The following DLGAP2 variants were observed in gnomAD, a reference collection of about 807,000 sequenced individuals.
The protein encoded by DLGAP2 is disks large-associated protein 2.
A neutral mutation model predicts 100.3 loss-of-function variants in DLGAP2; 26 were observed. That is an observed-to-expected ratio of 0.26 (90% CI 0.19 to 0.36). The LOEUF (loss-of-function observed/expected upper bound fraction) is 0.36. Among genes scored for constraint, DLGAP2 ranks in the 10% least tolerant of loss-of-function variants. The pLI, the probability that DLGAP2 is intolerant of heterozygous loss-of-function variation, is 1.00. For missense variants in DLGAP2, 1,858 were observed against 1,453.2 expected (o/e 1.28, Z -4.53); for synonymous variants, 886 against 630.1 (o/e 1.41, Z -6.08).
chr8:1,473,608 C>T (rs2108123), intron 3 of DLGAP2, among the ~76,000 whole-genome samples: 50,138 of 151,960 alleles, frequency 0.33, 9,178 homozygotes, highest in Non-Finnish European at 0.42. Context: ...TGATGGGATG[C>T]GCTGTCTTGA....
chr8:1,517,725 GT>G (rs1800442523), intron 4 of DLGAP2, among the ~76,000 whole-genome samples: 2 of 152,242 alleles, frequency 1.3e-5, no homozygotes, highest in Admixed American at 1.3e-4. Context: ...CCTCTCTGCA[GT>G]TACGCTTGGA....
intron 3 of DLGAP2, among the ~76,000 whole-genome samples, chr8:1,499,171 G>C (rs564333078): frequency 1.3e-5 from 2 of 152,212 alleles, no homozygotes; most frequent in Non-Finnish European, 2.9e-5. Flanking sequence ...CAAATCGCAG[G>C]CTTCCGATAC....
At chr8:894,764 C>G in intron 1 of DLGAP2, among the ~76,000 whole-genome samples, 1 of 67,384 alleles carries the variant, frequency 1.5e-5, no homozygotes, top group Non-Finnish European at 2.6e-5. Context: ...TGGTGACTGG[C>G]AGGGGTAGTG....
At chr8:1,237,069 T>G (rs1193011998) in intron 2 of DLGAP2, among the ~76,000 whole-genome samples, 1 of 142,824 alleles carries the variant, frequency 7.0e-6, no homozygotes, top group African/African-American at 2.7e-5. Context: ...TGTCTAGTTC[T>G]GTCACATGGC....
At chr8:1,290,341 AT>A (rs1418294550) in intron 3 of DLGAP2, among the ~76,000 whole-genome samples, 21 of 152,206 alleles carry the variant, frequency 1.4e-4, no homozygotes, top group Non-Finnish European at 2.9e-5. Flanking sequence ...TTTGCATATG[AT>A]GGTCCCGCTT....
intron 2 of DLGAP2, among the ~76,000 whole-genome samples, chr8:1,037,679 G>T (rs1234079392): frequency 6.6e-6 from 1 of 152,204 alleles, no homozygotes; most frequent in African/African-American, 2.4e-5. Flanking sequence ...CTGGGTTCTT[G>T]TCCTTATCGG....
chr8:1,346,724 C>G (rs188547871), intron 3 of DLGAP2, among the ~76,000 whole-genome samples: 1 of 129,020 alleles, frequency 7.8e-6, no homozygotes, highest in Non-Finnish European at 1.7e-5. Flanking sequence ...GTTGAGTTCT[C>G]ATACAGAGCT....
chr8:985,793 G>A (rs1157254047), intron 2 of DLGAP2, among the ~76,000 whole-genome samples: 2 of 152,206 alleles, frequency 1.3e-5, no homozygotes, highest in East Asian at 1.9e-4. Flanking sequence ...TTCCCCAGAT[G>A]TGAGAGTGAG....
At chr8:1,580,789 C>T (rs1210962842) in intron 6 of DLGAP2, among the ~76,000 whole-genome samples, 3 of 149,396 alleles carry the variant, frequency 2.0e-5, no homozygotes, top group East Asian at 2.0e-4. Context: ...AAACCCCACA[C>T]ATCTACACAC....
At chr8:1,496,951 G>C (rs1041841083) in intron 3 of DLGAP2, among the ~76,000 whole-genome samples, 8 of 152,062 alleles carry the variant, frequency 5.3e-5, no homozygotes, top group African/African-American at 1.9e-4. Flanking sequence ...ACACGTTGTG[G>C]AGTATGGTTT....
chr8:1,474,766 C>T (rs1798887162), intron 3 of DLGAP2, among the ~76,000 whole-genome samples: 2 of 152,318 alleles, frequency 1.3e-5, no homozygotes, highest in South Asian at 4.1e-4. Flanking sequence ...AAAGGGAATG[C>T]TTATACACTG....
chr8:1,101,415 C>T (rs944444523), intron 2 of DLGAP2, among the ~76,000 whole-genome samples: 7 of 152,146 alleles, frequency 4.6e-5, no homozygotes, highest in Non-Finnish European at 8.8e-5. Flanking sequence ...GGACATTAAG[C>T]ACAGTGAACA....
At chr8:1,199,169 G>C (rs73184599) in intron 2 of DLGAP2, among the ~76,000 whole-genome samples, 2 of 152,112 alleles carry the variant, frequency 1.3e-5, no homozygotes, top group African/African-American at 4.8e-5. Flanking sequence ...TTACTGAAGA[G>C]AATTCTGGGG....
chr8:1,006,474 A>G (rs1306719193), intron 2 of DLGAP2, among the ~76,000 whole-genome samples: 2 of 127,064 alleles, frequency 1.6e-5, no homozygotes, highest in African/African-American at 3.0e-5. Context: ...GTGGTCCTTT[A>G]TCACATCGGG....
chr8:852,506 C>G (rs1797200558), intron 1 of DLGAP2, among the ~76,000 whole-genome samples: 1 of 152,220 alleles, frequency 6.6e-6, no homozygotes, highest in South Asian at 2.1e-4. Flanking sequence ...TGATTTTACT[C>G]AAGATTCTGT....
rs972651044 is a variant in DLGAP2, at chr8:1,528,734, C to T, written c.173-19892C>T. On this transcript the variant is annotated intron_variant, in intron 4 of 14. Transcript: ENST00000637795. ...TGAAACAGGCCCTGGCAGTAAGGAGCCTGGCCTTCCTGTTTGGAAACAGGA... is the reference window on the plus strand; with the variant it reads ...TGAAACAGGCCCTGGCAGTAAGGAGTCTGGCCTTCCTGTTTGGAAACAGGA... 7.2e-5 allele frequency among the ~76,000 whole-genome samples: 11 copies of T among 152,090 alleles called. No individual in the cohort carries two copies. The South Asian group carries it at 8.3e-4, about 11-fold the overall frequency.
chr8:1,683,482 G>T (rs895088565), intron 12 of DLGAP2, among the ~76,000 whole-genome samples: 1 of 151,314 alleles, frequency 6.6e-6, no homozygotes, highest in Non-Finnish European at 1.5e-5. Context: ...CATACCCTGG[G>T]GGATGATGGA....
intron 3 of DLGAP2, among the ~76,000 whole-genome samples, chr8:1,373,421 G>T (rs1802300754): frequency 6.6e-6 from 1 of 152,164 alleles, no homozygotes; most frequent in South Asian, 2.1e-4. Context: ...CTTCCTGCCC[G>T]ACAAGGACGG....
chr8:1,385,624 G>A (rs1464142969), intron 3 of DLGAP2, among the ~76,000 whole-genome samples: 1 of 70,324 alleles, frequency 1.4e-5, no homozygotes. Flanking sequence ...CAGTTACCCC[G>A]GCCTATGCCC....
Sources: allele counts gnomAD v4.1 joint callset (sites outside exome capture counted in the v4.1 genomes callset), GRCh38; gene constraint gnomAD v4.1.1; transcripts MANE v1.5; gene names NCBI Gene and HGNC (gene_info 2026-07-23, HGNC 2026-07-21).